The following CALN1 variants were observed in gnomAD, a reference collection of about 807,000 sequenced individuals.
CALN1 encodes the protein calneuron 1.
CALN1 carries 17 observed loss-of-function variants against 30.6 expected under a neutral mutation model. The observed-to-expected ratio is 0.56, with a 90% CI of 0.38 to 0.83. The LOEUF is 0.83. CALN1 is among the 40% of genes least tolerant of loss of function. The pLI is 0.00. For missense variants in CALN1, 291 were observed against 354.9 expected, an observed-to-expected ratio of 0.82 and a Z score of 1.45; for synonymous variants, 156 against 131.4, an observed-to-expected ratio of 1.19 and a Z score of -1.28.
At chr7:71,971,995 GAAAGAAAGAAAA>G (rs1310453256) in intron 5 of CALN1, among the ~76,000 whole-genome samples, 5 of 96,900 alleles carry the variant, frequency 5.2e-5, no homozygotes, top group Admixed American at 1.1e-4. Context: ...GAAAGAAAGA[GAAAGAAAGAAAA>G]AAAGAAAGAA....
At chr7:71,896,628 G>A (rs1030816158) in intron 5 of CALN1, among the ~76,000 whole-genome samples, 7 of 151,976 alleles carry the variant, frequency 4.6e-5, no homozygotes, top group African/African-American at 1.7e-4. Flanking sequence ...CAAGCTTCCT[G>A]CTCTTGAGTA....
At chr7:71,828,204 T>A (rs190385025) in intron 5 of CALN1, among the ~76,000 whole-genome samples, 20 of 152,266 alleles carry the variant, frequency 1.3e-4, no homozygotes, top group Admixed American at 1.1e-3. Flanking sequence ...TAATAATTCA[T>A]TGGTGTCTCA....
At chr7:72,292,163 G>A (rs1422111167) in intron 2 of CALN1, among the ~76,000 whole-genome samples, 1 of 151,888 alleles carries the variant, frequency 6.6e-6, no homozygotes, top group Non-Finnish European at 1.5e-5. Context: ...AATTACTCTT[G>A]CACCAACCCA....
the CALN1 span, among the ~76,000 whole-genome samples, chr7:72,456,054 C>A: frequency 1.3e-3 from 199 of 152,086 alleles, no homozygotes; most frequent in African/African-American, 4.5e-3. Flanking sequence ...CCTGGTGGCA[C>A]GCACATGTAG....
chr7:72,323,464 A>G (rs1048394227), intron 2 of CALN1, among the ~76,000 whole-genome samples: 1 of 152,108 alleles, frequency 6.6e-6, no homozygotes, highest in Non-Finnish European at 1.5e-5. Context: ...GTTTGAGACC[A>G]GCCTGGCCAA....
At chr7:71,987,933 G>T (rs844694) in intron 5 of CALN1, among the ~76,000 whole-genome samples, 9 of 151,998 alleles carry the variant, frequency 5.9e-5, no homozygotes, top group Non-Finnish European at 1.3e-4. Flanking sequence ...CTCACTCCTC[G>T]AATCCAGCGG....
chr7:72,415,227 T>A (rs1585703994), upstream of CALN1, among the ~76,000 whole-genome samples: 1 of 152,258 alleles, frequency 6.6e-6, no homozygotes, highest in African/African-American at 2.4e-5. Context: ...TACTACAAGG[T>A]ACCTAGATCT....
chr7:71,819,378 C>A (rs1788464173), intron 5 of CALN1, among the ~76,000 whole-genome samples: 1 of 151,564 alleles, frequency 6.6e-6, no homozygotes, highest in South Asian at 2.1e-4. Context: ...CCGGCTAATT[C>A]TTGTATTCAC....
At chr7:72,397,901 T>TACC (rs1285290340) in intron 2 of CALN1, among the ~76,000 whole-genome samples, 1 of 152,120 alleles carries the variant, frequency 6.6e-6, no homozygotes, top group Non-Finnish European at 1.5e-5. Context: ...TTGATGAAGG[T>TACC]ACCCACTGCT....
intron 5 of CALN1, among the ~76,000 whole-genome samples, chr7:71,997,219 C>G (rs969537765): frequency 1.3e-5 from 2 of 149,538 alleles, no homozygotes; most frequent in Admixed American, 6.7e-5. Flanking sequence ...GGCTACAGAG[C>G]AAGATCCTGT....
chr7:71,938,304 G>A (rs1562919336), intron 5 of CALN1, among the ~76,000 whole-genome samples: 1 of 152,134 alleles, frequency 6.6e-6, no homozygotes, highest in Non-Finnish European at 1.5e-5. Flanking sequence ...CCCAGTGACT[G>A]AAATCATACC....
chr7:71,808,511 G>A (rs1361420397), intron 6 of CALN1, among the ~76,000 whole-genome samples: 1 of 151,908 alleles, frequency 6.6e-6, no homozygotes, highest in Non-Finnish European at 1.5e-5. Flanking sequence ...ATAAGCTATT[G>A]ACAAATCATT....
chr7:72,445,159 T>G (rs994756699), intron 1 of CALN1, among the ~76,000 whole-genome samples: 1 of 152,036 alleles, frequency 6.6e-6, no homozygotes, highest in African/African-American at 2.4e-5. Context: ...CTTAATTACT[T>G]ATTGTTAATG....
rs969416503 is a variant in CALN1, at chr7:72,278,722, C to T, written c.208G>A (p.Glu70Lys). 23 of 1,613,866 alleles carry T rather than the reference C, an allele frequency of 1.4e-5. No homozygotes were observed. Among genetic ancestry groups the T allele is most frequent in the African/African-American group, 4.0e-5 (3 of 74,928 alleles). The change falls in exon 3 of 7, where the codon GAA becomes AAA. Residue 70 changes from glutamate to lysine, a missense_variant. Physicochemically the swap from Glu to Lys is moderately conservative, Grantham distance 56. Coordinates refer to ENST00000395275, the MANE Select transcript of CALN1 (RefSeq NM_031468.4). ...TCCACGGAGATATTAGCCAGCTGTT[C>T]GCTGTCACTGCCAGCAGAGAGCGAT... Reference protein sequence around the residue: ...NRSLSAGSDSEQLANISVEEL... With the variant: ...NRSLSAGSDSKQLANISVEEL...
chr7:71,834,215 C>T (rs1225288768), intron 5 of CALN1, among the ~76,000 whole-genome samples: 2 of 62,530 alleles, frequency 3.2e-5, no homozygotes, highest in African/African-American at 7.3e-5. Flanking sequence ...GAGACTCCAT[C>T]TCAAAAAAAA....
chr7:71,858,188 G>A (rs923603205), intron 5 of CALN1, among the ~76,000 whole-genome samples: 1 of 152,102 alleles, frequency 6.6e-6, no homozygotes, highest in African/African-American at 2.4e-5. Context: ...AGATGGGATG[G>A]TTTTGTAAAT....
chr7:71,920,537 G>A (rs952583426), intron 5 of CALN1, among the ~76,000 whole-genome samples: 9 of 151,816 alleles, frequency 5.9e-5, no homozygotes, highest in Middle Eastern at 3.4e-3. Flanking sequence ...GGGTTTCACC[G>A]TGTTAGCCAG....
chr7:72,397,750 A>ACACACACACACACACC (rs1491117589), intron 2 of CALN1, among the ~76,000 whole-genome samples: 1 of 144,200 alleles, frequency 6.9e-6, no homozygotes, highest in Non-Finnish European at 1.5e-5. Context: ...ACACACACAC[A>ACACACACACACACACC]CCTTGCTCCA....
At chr7:72,210,675 A>T (rs1232162855) in intron 3 of CALN1, among the ~76,000 whole-genome samples, 1 of 152,086 alleles carries the variant, frequency 6.6e-6, no homozygotes, top group East Asian at 1.9e-4. Context: ...CACTATCACA[A>T]GAAAAGTATG....
Sources: allele counts gnomAD v4.1 joint callset (sites outside exome capture counted in the v4.1 genomes callset), GRCh38; gene constraint gnomAD v4.1.1; transcripts MANE v1.5; gene names NCBI Gene and HGNC (gene_info 2026-07-23, HGNC 2026-07-21).